MSI2: variants seen among roughly 807,000 people sequenced by gnomAD.
MSI2 encodes the protein musashi RNA binding protein 2, also known as RNA-binding protein Musashi homolog 2.
In MSI2, 17 loss-of-function variants were observed where a neutral mutation model predicts 45.6. The ratio of observed to expected loss-of-function variants is 0.37; its 90% confidence interval spans 0.26 to 0.56. MSI2 has a LOEUF of 0.56. Ranked by LOEUF, MSI2 falls within the 20% of genes least tolerant of loss-of-function variation. The probability of loss-of-function intolerance (pLI) is 0.77; values close to 1 mark genes in which losing one functional copy is unlikely to be tolerated. For missense variants in MSI2, 293 were observed against 444.2 expected (o/e 0.66, Z 3.06); for synonymous variants, 156 against 158.2 (o/e 0.99, Z 0.11).
intron 5 of MSI2, among the ~76,000 whole-genome samples, chr17:57,375,310 C>G (rs1317557945): frequency 1.3e-5 from 2 of 152,182 alleles, no homozygotes; most frequent in Non-Finnish European, 2.9e-5. Flanking sequence ...AGTAGGTCAG[C>G]CGCACTTCCC....
chr17:57,521,472 C>A (rs2144009235), intron 6 of MSI2, among the ~76,000 whole-genome samples: 1 of 152,298 alleles, frequency 6.6e-6, no homozygotes, highest in South Asian at 2.1e-4. Context: ...ATTTTTGGCT[C>A]TTCCGAGCTG....
intron 7 of MSI2, among the ~76,000 whole-genome samples, chr17:57,591,288 C>T (rs1228279622): frequency 6.6e-6 from 1 of 152,204 alleles, no homozygotes; most frequent in Non-Finnish European, 1.5e-5. Flanking sequence ...CTCCATCTCT[C>T]CCAAATCTCT....
Position 57,584,794 on chromosome 17 carries a change from T to G in MSI2, c.455-12074T>G, listed in dbSNP as rs907825011. Among the ~76,000 whole-genome samples, 85 of 110,728 alleles carry G rather than the reference T, an allele frequency of 7.7e-4. No homozygotes were observed. In the East Asian group the frequency reaches 9.0e-3, roughly 12 times the overall value. 72.6% of individuals were successfully genotyped at this position (110,728 alleles called of 152,430 possible). Reference sequence around the variant, plus strand: ...CAAAGATTAATGGATGATTTGGGTTTTTTTTTTTTTTTAACCTAAATGGAT... The same window carrying G: ...CAAAGATTAATGGATGATTTGGGTTGTTTTTTTTTTTTAACCTAAATGGAT... On this transcript the variant is annotated intron_variant, in intron 7 of 13. Transcript: ENST00000284073.
At chr17:57,424,547 A>G (rs1226602362) in intron 6 of MSI2, among the ~76,000 whole-genome samples, 1 of 152,202 alleles carries the variant, frequency 6.6e-6, no homozygotes, top group Admixed American at 6.5e-5. Context: ...GTTGGAAAAC[A>G]GAGCTGCTGC....
intron 8 of MSI2, among the ~76,000 whole-genome samples, chr17:57,610,310 G>A (rs1301757439): frequency 6.6e-6 from 1 of 152,074 alleles, no homozygotes; most frequent in Non-Finnish European, 1.5e-5. Context: ...AAATTAGCAG[G>A]GCGTGGTGGC....
intron 10 of MSI2, among the ~76,000 whole-genome samples, chr17:57,638,873 G>C (rs1464653966): frequency 6.6e-6 from 1 of 152,156 alleles, no homozygotes. Context: ...CTGCATTCCA[G>C]CCTGGGTGAC....
chr17:57,674,994 A>G lies in MSI2; in HGVS notation c.813A>G (p.Gly271=). ...CAGGCTCCAACCCGGCGCGGCCCGGAGGCTTCCCGGGGGCCAACAGCCCAG... is the reference window on the plus strand; with the variant it reads ...CAGGCTCCAACCCGGCGCGGCCCGGGGGCTTCCCGGGGGCCAACAGCCCAG... The part of the protein sequence containing the change: ...RGSGSNPARP[G]GFPGANSPGP... Residue 271 remains glycine, a synonymous_variant, in exon 12 of 14, where the codon GGA becomes GGG. Coordinates refer to ENST00000284073, the MANE Select transcript of MSI2 (RefSeq NM_138962.4). 1.9e-6 allele frequency: 3 copies of G among 1,613,430 alleles called. No homozygotes were observed. Among genetic ancestry groups the G allele is most frequent in the Non-Finnish European group, 2.5e-6 (3 of 1,179,806 alleles).
chr17:57,545,716 G>C (rs979556674), intron 7 of MSI2, among the ~76,000 whole-genome samples: 1 of 152,128 alleles, frequency 6.6e-6, no homozygotes, highest in Non-Finnish European at 1.5e-5. Flanking sequence ...AATGGAGCTC[G>C]TTAACCCATC....
chr17:57,515,557 C>G (rs865894843), intron 6 of MSI2, among the ~76,000 whole-genome samples: 18 of 152,220 alleles, frequency 1.2e-4, no homozygotes, highest in African/African-American at 4.3e-4. Flanking sequence ...CTCAACAGTA[C>G]GCACTTATTG....
chr17:57,688,421 A>G (rs944554138), downstream of MSI2, among the ~76,000 whole-genome samples: 5 of 152,102 alleles, frequency 3.3e-5, no homozygotes, highest in African/African-American at 1.2e-4. Context: ...TTAAGGATAA[A>G]CTTTATAAGA....
intron 8 of MSI2, among the ~76,000 whole-genome samples, chr17:57,613,627 C>T (rs7219392): frequency 0.43 from 64,792 of 151,824 alleles, 14,454 homozygotes; most frequent in Non-Finnish European, 0.5. Context: ...CCCCTCCACA[C>T]TATACCGTCA....
At chr17:57,324,332 G>A (rs1358331752) in intron 5 of MSI2, among the ~76,000 whole-genome samples, 1 of 152,164 alleles carries the variant, frequency 6.6e-6, no homozygotes, top group African/African-American at 2.4e-5. Context: ...TGAGGTGGCT[G>A]CACAGACAGG....
intron 7 of MSI2, among the ~76,000 whole-genome samples, chr17:57,542,782 C>T (rs980218234): frequency 6.6e-6 from 1 of 152,208 alleles, no homozygotes; most frequent in Admixed American, 6.5e-5. Flanking sequence ...GGCAGTCTGG[C>T]ACGTGTCCTG....
intron 5 of MSI2, among the ~76,000 whole-genome samples, chr17:57,304,875 T>G (rs549342913): frequency 1.4e-4 from 21 of 152,006 alleles, no homozygotes; most frequent in Non-Finnish European, 2.4e-4. Context: ...CTACAAGAGG[T>G]CTCCCACAGA....
chr17:57,666,931 G>A (rs1309291278), intron 11 of MSI2, among the ~76,000 whole-genome samples: 3 of 152,230 alleles, frequency 2.0e-5, no homozygotes, highest in African/African-American at 7.2e-5. Context: ...TTTCAGGACT[G>A]AACTAGGAGA....
intron 7 of MSI2, among the ~76,000 whole-genome samples, chr17:57,580,815 C>G (rs1453582812): frequency 1.3e-5 from 2 of 152,072 alleles, no homozygotes; most frequent in Non-Finnish European, 2.9e-5. Flanking sequence ...GGTGGCTCTG[C>G]TAAAGCTCTT....
At chr17:57,679,475 A>C in intron 13 of MSI2, 74 bp from the exon 14 acceptor site, 1 of 782,406 alleles carries the variant, frequency 1.3e-6, no homozygotes, top group Non-Finnish European at 1.6e-6. Flanking sequence ...TACTTGTCTG[A>C]CACTTCTTTC....
chr17:57,528,138 A>G (rs2086744506), intron 6 of MSI2, among the ~76,000 whole-genome samples: 1 of 150,756 alleles, frequency 6.6e-6, no homozygotes, highest in Non-Finnish European at 1.5e-5. Context: ...TATTTTTACC[A>G]TCAACCTTGA....
At position 57,596,828 on chromosome 17, in the gene MSI2, C is replaced by G. The variant is rs371160586; in HGVS notation, c.455-40C>G. The G allele has an allele frequency of 4.2e-5, 62 of 1,479,520 alleles. No individual in the cohort carries two copies. The African/African-American group carries it at 8.0e-4, about 19-fold the overall frequency. The allele number at this position is 1,479,520 out of a possible 1,614,324, so 91.6% of individuals were successfully genotyped here. ...TGGGCCTGCCAGAACTGAACTCACC[C>G]CGCCTCTCTTTGTTTTTTCTTCTCT... On this transcript the variant is annotated intron_variant, in intron 7 of 13. Coordinates refer to ENST00000284073, the MANE Select transcript of MSI2 (RefSeq NM_138962.4). This position sits in a 1 kb window ranked among gnomAD's most constrained non-coding sequence, Gnocchi z 4.6.
Sources: gnomAD v4.1 joint callset for allele counts (sites outside exome capture counted in the v4.1 genomes callset) on GRCh38, gnomAD v4.1.1 for gene constraint, Gnocchi (gnomAD v3.1) non-coding constraint, MANE v1.5 for transcripts, NCBI Gene and HGNC (gene_info 2026-07-23, HGNC 2026-07-21) for gene names.